Variants in ARFGEF3 observed in about 807,000 individuals in gnomAD.
ARFGEF3 encodes the protein brefeldin A-inhibited guanine nucleotide-exchange protein 3.
Under a neutral mutation model 221.7 loss-of-function variants are expected in ARFGEF3, and 96 were observed. That is an observed-to-expected ratio of 0.43 (90% confidence interval 0.37 to 0.51). The LOEUF (loss-of-function observed/expected upper bound fraction) is 0.51. Ranked by LOEUF, ARFGEF3 falls within the 20% of genes least tolerant of loss-of-function variation. The pLI is 0.00. For missense variants in ARFGEF3, 2,410 were observed against 2,789.9 expected (o/e 0.86, Z 3.07); for synonymous variants, 1,145 against 1,126.8 (o/e 1.02, Z -0.32).
At chr6:138,269,129 A>G (rs1778948772) in intron 12 of ARFGEF3, among the ~76,000 whole-genome samples, 1 of 152,162 alleles carries the variant, frequency 6.6e-6, no homozygotes, top group Non-Finnish European at 1.5e-5. Context: ...TGCTACCATT[A>G]TCCTCCCTCC....
Position 138,235,009 on chromosome 6 carries a change from T to C in ARFGEF3, c.421-3500T>C, listed in dbSNP as rs567972183. Among the ~76,000 whole-genome samples the C allele has an allele frequency of 2.6e-5, 4 of 152,316 alleles. No homozygotes were observed. The East Asian group carries it at 7.7e-4, about 29-fold the overall frequency. On this transcript the variant is annotated intron_variant, in intron 5 of 33. Transcript: ENST00000251691. ...ATTTGTGATCCCTTTGGCCAACATA[T>C]ATTGAAAAATATATGTATATATATA... is the stretch of plus-strand genomic sequence containing the variant.
chr6:138,185,386 G>C (rs1022830291), intron 2 of ARFGEF3, among the ~76,000 whole-genome samples: 2 of 152,098 alleles, frequency 1.3e-5, no homozygotes, highest in African/African-American at 4.8e-5. Flanking sequence ...ATTGGACTTT[G>C]TTACTTGCAG....
At chr6:138,280,364 G>A (rs1172250499) in intron 14 of ARFGEF3, among the ~76,000 whole-genome samples, 200 bp downstream of exon 14, 1 of 152,202 alleles carries the variant, frequency 6.6e-6, no homozygotes, top group Non-Finnish European at 1.5e-5. Flanking sequence ...CCATGTGGGA[G>A]TCTGTAGGGT....
chr6:138,225,821 T>A (rs2114525664), intron 4 of ARFGEF3, among the ~76,000 whole-genome samples: 1 of 152,364 alleles, frequency 6.6e-6, no homozygotes, highest in South Asian at 2.1e-4. Flanking sequence ...CCTAATCATC[T>A]ATGTTGGAAT....
intron 2 of ARFGEF3, among the ~76,000 whole-genome samples, chr6:138,200,735 T>C (rs149357740): frequency 4.5e-4 from 69 of 152,274 alleles, no homozygotes; most frequent in African/African-American, 1.6e-3. Flanking sequence ...GAAGATAACA[T>C]TGGAAAAACC....
intron 2 of ARFGEF3, among the ~76,000 whole-genome samples, chr6:138,206,450 A>G (rs1302330157): frequency 6.6e-6 from 1 of 151,790 alleles, no homozygotes; most frequent in Admixed American, 6.6e-5. Flanking sequence ...TCTTGGAAAC[A>G]TGTTCATTAA....
intron 22 of ARFGEF3, among the ~76,000 whole-genome samples, chr6:138,299,317 T>G (rs113200815): frequency 1.3e-5 from 2 of 151,146 alleles, no homozygotes; most frequent in African/African-American, 4.9e-5. Context: ...CAGAAAAGTT[T>G]AGCAATTTGA....
chr6:138,164,943 T>G (rs766739007), intron 1 of ARFGEF3, among the ~76,000 whole-genome samples: 8 of 152,124 alleles, frequency 5.3e-5, no homozygotes, highest in Non-Finnish European at 5.9e-5. Context: ...GGGTTACCTC[T>G]CACGTAGACC....
intron 6 of ARFGEF3, among the ~76,000 whole-genome samples, chr6:138,240,955 T>TA (rs1323291373): frequency 1.3e-5 from 2 of 152,204 alleles, no homozygotes; most frequent in African/African-American, 2.4e-5. Context: ...AGAAAATTTT[T>TA]AAAATCTCAG....
chr6:138,180,548 G>T (rs1276084587), intron 2 of ARFGEF3, among the ~76,000 whole-genome samples: 1 of 151,870 alleles, frequency 6.6e-6, no homozygotes, highest in Non-Finnish European at 1.5e-5. Context: ...ACTGAGTTTT[G>T]GCCCTGTTGA....
intron 4 of ARFGEF3, chr6:138,218,033 G>C: frequency 6.2e-7 from 1 of 1,610,998 alleles, no homozygotes; most frequent in Non-Finnish European, 8.5e-7. Flanking sequence ...AGAGAAGACA[G>C]CATTCCAGAC....
rs1288360469 is a variant in ARFGEF3, at chr6:138,253,993, C to T, written c.770+9C>T. 3 of 1,545,650 alleles carry T rather than the reference C, an allele frequency of 1.9e-6. No individual in the cohort carries two copies. In the East Asian group the frequency reaches 7.1e-5, roughly 37 times the overall value. On this transcript the variant is annotated intron_variant, in intron 9 of 33. Transcript: ENST00000251691. Reference sequence around the variant, plus strand: ...TTCACGGACCTGATCTGGTGAGCACCCACTCCTGACGCCCCGACGCTGATG... The same window carrying T: ...TTCACGGACCTGATCTGGTGAGCACTCACTCCTGACGCCCCGACGCTGATG...
intron 21 of ARFGEF3, among the ~76,000 whole-genome samples, chr6:138,298,157 A>G (rs1256675152): frequency 6.6e-6 from 1 of 152,184 alleles, no homozygotes. Context: ...GAGCATGGAT[A>G]CCAGGAGGTC....
At chr6:138,227,984 A>G (rs966291180) in intron 4 of ARFGEF3, among the ~76,000 whole-genome samples, 1 of 152,278 alleles carries the variant, frequency 6.6e-6, no homozygotes, top group East Asian at 1.9e-4. Context: ...AGGGGCCTGG[A>G]AGACATAGCC....
intron 12 of ARFGEF3, among the ~76,000 whole-genome samples, chr6:138,272,272 C>T (rs1407190063): frequency 6.6e-6 from 1 of 152,212 alleles, no homozygotes; most frequent in Non-Finnish European, 1.5e-5. Context: ...TCTCCTGCCT[C>T]AGCCTCCTGA....
chr6:138,319,665 T>C, intron 27 of ARFGEF3, 38 bp from the exon 28 acceptor site: 1 of 1,505,666 alleles, frequency 6.6e-7, no homozygotes, highest in South Asian at 1.3e-5. Context: ...GCTTCCCTTT[T>C]ATTACAGGTT....
At chr6:138,310,808 A>C (rs1015515741) in intron 24 of ARFGEF3, among the ~76,000 whole-genome samples, 1 of 152,246 alleles carries the variant, frequency 6.6e-6, no homozygotes, top group African/African-American at 2.4e-5. Context: ...AGATATGTAC[A>C]AAAAATAGAA....
At chr6:138,289,677 A>T in intron 17 of ARFGEF3, 141 bp from the exon 18 acceptor site, 1 of 841,200 alleles carries the variant, frequency 1.2e-6, no homozygotes. Flanking sequence ...GATGGTCCGC[A>T]AGGACCTACT....
At chr6:138,310,127 A>AT (rs1276220463) in intron 24 of ARFGEF3, among the ~76,000 whole-genome samples, 1 of 152,228 alleles carries the variant, frequency 6.6e-6, no homozygotes, top group Non-Finnish European at 1.5e-5. Context: ...AGCCCCTTGT[A>AT]TAGTCATGGT....
Sources: gnomAD v4.1 joint callset for allele counts (sites outside exome capture counted in the v4.1 genomes callset) on GRCh38, gnomAD v4.1.1 for gene constraint, MANE v1.5 for transcripts, NCBI Gene and HGNC (gene_info 2026-07-23, HGNC 2026-07-21) for gene names.